The following CCDC121 variants were observed in gnomAD, a reference collection of about 807,000 sequenced individuals.
The protein encoded by CCDC121 is coiled-coil domain containing 121, also known as coiled-coil domain-containing protein 121.
For synonymous variants in CCDC121, 108 were observed against 120.0 expected (o/e 0.90, Z 0.65); for missense variants, 238 against 304.1 (o/e 0.78, Z 1.62).
In CCDC121 at chr2:27,627,101, T is replaced by C; in HGVS notation, c.699A>G (p.Glu233=). The C allele has an allele frequency of 1.9e-6, 3 of 1,614,186 alleles. No individual in the cohort carries two copies. Among genetic ancestry groups the C allele is most frequent in the Non-Finnish European group, 2.5e-6 (3 of 1,180,020 alleles). The change falls in exon 2 of 2, where the codon GAA becomes GAG. Residue 233 remains glutamate (E), a synonymous_variant. Coordinates refer to ENST00000324364, the MANE Select transcript of CCDC121 (RefSeq NM_024584.5). ...LENRKQQLQQ[E]QWYLESLIQA... ...GGATTAAGGACTCCAGATACCACTGTTCCTGCTGCAGCTGCTGCTTCCTGT... is the reference window on the plus strand; with the variant it reads ...GGATTAAGGACTCCAGATACCACTGCTCCTGCTGCAGCTGCTGCTTCCTGT...
intron 1 of CCDC121, chr2:27,628,321 A>T (rs1673367822): frequency 7.2e-7 from 1 of 1,384,914 alleles, no homozygotes; most frequent in South Asian, 1.4e-5. Flanking sequence ...AGGCTCTTTC[A>T]TCATCTTTCC....
At chr2:27,628,201 G>C (rs1429766891) in intron 1 of CCDC121, 1 of 646,822 alleles carries the variant, frequency 1.5e-6, no homozygotes, top group African/African-American at 1.8e-5. Flanking sequence ...CCACTAGCAA[G>C]TGGCAGAGCC....
At position 27,627,680 on chromosome 2, in the gene CCDC121, CA is replaced by C. The variant is rs773707987; in HGVS notation, c.119del (p.Leu40ArgfsTer4). 3 of 1,613,430 alleles carry C rather than the reference CA, an allele frequency of 1.9e-6. No individual in the cohort carries two copies. The Admixed American group carries it at 5.0e-5, about 27-fold the overall frequency. On this transcript the variant is annotated frameshift_variant, in exon 2 of 2. Coordinates refer to ENST00000324364, the MANE Select transcript of CCDC121 (RefSeq NM_024584.5). LOFTEE classifies it low-confidence loss of function (END_TRUNC). ...LLVQAENRFFLEYLTNKTEEY... is the reference protein window; with the variant it reads ...LLVQAENRFFXEYLTNKTEEY... ...CTTCAGTTTTGTTAGTCAGGTATTCCAGAAAGAATCTGTTTTCAGCCTGGAC... is the reference window on the plus strand; with the variant it reads ...CTTCAGTTTTGTTAGTCAGGTATTCCGAAAGAATCTGTTTTCAGCCTGGAC...
chr2:27,628,029 G>A (rs1673350635), intron 1 of CCDC121, 112 bp from the exon 2 acceptor site: 1 of 774,912 alleles, frequency 1.3e-6, no homozygotes, highest in Admixed American at 2.7e-5. Flanking sequence ...GAATGTTCCA[G>A]ACATTATGCA....
intron 1 of CCDC121, chr2:27,628,281 C>G: frequency 1.1e-5 from 11 of 1,030,782 alleles, no homozygotes; most frequent in Non-Finnish European, 1.4e-5. Flanking sequence ...CAGAAACAGA[C>G]TGGGTGGTCA....
Position 27,627,435 on chromosome 2 carries a change from T to G in CCDC121, c.365A>C (p.Gln122Pro), listed in dbSNP as rs773721532. 2 of 1,614,094 alleles carry G rather than the reference T, an allele frequency of 1.2e-6. No homozygotes were observed. The highest frequency in any genetic ancestry group is 4.5e-5 in the East Asian group (2 of 44,902). Residue 122 changes from glutamine (Q) to proline (P), a missense_variant, in exon 2 of 2, where the codon CAG becomes CCG. Coordinates refer to ENST00000324364, the MANE Select transcript of CCDC121 (RefSeq NM_024584.5). The stretch of plus-strand genomic sequence containing the variant: ...TTTCTTTGTCTCCTCCTGTAATGTC[T>G]GTATTTCTTTCTCCTGCTTTTCCTT... ...ILKEKQEKEI[Q>P]TLQEETKKVQ...
chr2:27,628,852 C>T, intron 1 of CCDC121, 98 bp downstream of exon 1: 2 of 1,467,550 alleles, frequency 1.4e-6, no homozygotes, highest in African/African-American at 1.4e-5. Context: ...CTTCCTCTCG[C>T]TTGCTCAGCG....
rs1673272336 is a variant in CCDC121, at chr2:27,626,067, T to C, written c.*896A>G. ...TATGGCACACATTAATTACAAAGGA[T>C]ACTTCATGTACTAGAAAGTGCACCT... On this transcript the variant is annotated 3_prime_UTR_variant, in exon 2 of 2. Coordinates refer to ENST00000324364, the MANE Select transcript of CCDC121 (RefSeq NM_024584.5). 6.6e-6 allele frequency: 1 copy of C among 152,262 alleles called. No individual in the cohort carries two copies. Among genetic ancestry groups the C allele is most frequent in the Non-Finnish European group, 1.5e-5 (1 of 68,012 alleles). The allele number at this position is 152,262 out of a possible 1,614,324, so 9.4% of individuals were successfully genotyped here. A position where few individuals can be genotyped will look rare whatever the true frequency, so the allele number is the denominator to read the frequency against.
At chr2:27,628,667 G>C in intron 1 of CCDC121, 1 of 1,551,586 alleles carries the variant, frequency 6.4e-7, no homozygotes, top group Non-Finnish European at 8.7e-7. Context: ...CGAGCAGCCG[G>C]TCCTCCAGTG....
rs1673263464 is a variant in CCDC121 at position 27,625,736 on chromosome 2, T to G, written c.*1227A>C. On this transcript the variant is annotated 3_prime_UTR_variant, in exon 2 of 2. Transcript: ENST00000324364. ...TTAAAGCTACAAGGTAAAGGCACAT[T>G]GAAGGAGAATGCTTTTTAAATCCAA... 1 of 152,328 alleles carries G rather than the reference T, an allele frequency of 6.6e-6. No individual in the cohort carries two copies. Among genetic ancestry groups the G allele is most frequent in the Non-Finnish European group, 1.5e-5 (1 of 68,016 alleles). 9.4% of individuals were successfully genotyped at this position (152,328 alleles called of 1,614,324 possible).
Position 27,627,093 on chromosome 2 carries a change from T to A in CCDC121, c.707A>T (p.Tyr236Phe), listed in dbSNP as rs1257571255. The change falls in exon 2 of 2, where the codon TAT (tyrosine) becomes TTT (phenylalanine). Residue 236 changes from tyrosine (Y) to phenylalanine (F), a missense_variant. Physicochemically the swap from Tyr to Phe is conservative, Grantham distance 22. Transcript: ENST00000324364. ...CCTCGCCTGGATTAAGGACTCCAGA[T>A]ACCACTGTTCCTGCTGCAGCTGCTG... ...RKQQLQQEQW[Y>F]LESLIQARQR... The A allele has an allele frequency of 6.8e-6, 11 of 1,614,194 alleles. No individual in the cohort carries two copies. The highest frequency in any genetic ancestry group is 9.3e-6 in the Non-Finnish European group (11 of 1,180,026).
chr2:27,628,769 C>A, intron 1 of CCDC121, 181 bp downstream of exon 1: 1 of 1,534,476 alleles, frequency 6.5e-7, no homozygotes, highest in Non-Finnish European at 8.8e-7. Flanking sequence ...CCCATCTCTT[C>A]TGGCCTTCCT....
rs1673310028 is a variant in CCDC121 at position 27,627,230 on chromosome 2, T to G, written c.570A>C (p.Glu190Asp). 1 of 1,613,912 alleles carries G rather than the reference T, an allele frequency of 6.2e-7. No individual in the cohort carries two copies. Among genetic ancestry groups the G allele is most frequent in the African/African-American group, 1.3e-5 (1 of 74,932 alleles). Residue 190 changes from glutamate to aspartate, a missense_variant, in exon 2 of 2, where the codon GAA (glutamate) becomes GAC (aspartate). Physicochemically the swap from Glu to Asp is conservative, Grantham distance 45 (BLOSUM62 2). Coordinates refer to ENST00000324364, the MANE Select transcript of CCDC121 (RefSeq NM_024584.5). Reference sequence around the variant, plus strand: ...TCTCTCTGTTGATGCCACAGGAGTATTCAAAAATAAACCGCTTTGCTGCCA... The same window carrying G: ...TCTCTCTGTTGATGCCACAGGAGTAGTCAAAAATAAACCGCTTTGCTGCCA... ...LKLAAKRFIF[E>D]YSCGINRENQ...
rs1394896015 is a variant in CCDC121 at position 27,628,989 on chromosome 2, C to A, written c.-158G>T. On this transcript the variant is annotated 5_prime_UTR_variant, in exon 1 of 2. Coordinates refer to ENST00000324364, the MANE Select transcript of CCDC121 (RefSeq NM_024584.5). ...CGCTGTGGTGGTTTTCGTTCGCAGC[C>A]CAGAACATTGCGGAAGTTTCTCTAC... The A allele has an allele frequency of 1.2e-6, 2 of 1,605,796 alleles. No individual in the cohort carries two copies. Among genetic ancestry groups the A allele is most frequent in the Admixed American group, 1.7e-5 (1 of 58,832 alleles).
Position 27,627,860 on chromosome 2 carries a change from A to C in CCDC121, c.-61T>G. ...CCTTTGTTAGCTTCTCTGGCTTGAC[A>C]AAATTATTTATTAGACTATGATACG... On this transcript the variant is annotated 5_prime_UTR_variant, in exon 2 of 2. Transcript: ENST00000324364. 1.2e-6 allele frequency: 2 copies of C among 1,614,140 alleles called. No homozygotes were observed. The highest frequency in any genetic ancestry group is 1.7e-6 in the Non-Finnish European group (2 of 1,180,034).
rs1312604861 is a variant in CCDC121 at position 27,627,996 on chromosome 2, C to T, written c.-118-79G>A. ...AGTGCACAACTGTCCTTCATTCATA[C>T]AAGAGAATATTTCTGAGCACCAGAA... On this transcript the variant is annotated intron_variant, in intron 1 of 1. Transcript: ENST00000324364. The T allele has an allele frequency of 7.2e-6, 7 of 965,682 alleles. No individual in the cohort carries two copies. In the South Asian group the frequency reaches 9.1e-5, roughly 13 times the overall value. 59.8% of individuals were successfully genotyped at this position (965,682 alleles called of 1,614,324 possible).
chr2:27,628,280 A>G, intron 1 of CCDC121: 1 of 1,023,204 alleles, frequency 9.8e-7, no homozygotes, highest in Non-Finnish European at 1.4e-6. Flanking sequence ...ACAGAAACAG[A>G]CTGGGTGGTC....
chr2:27,628,952 G>C lies in CCDC121; in HGVS notation c.-121C>G, dbSNP rs1441671657. 6.4e-7 allele frequency: 1 copy of C among 1,556,790 alleles called. No individual in the cohort carries two copies. The highest frequency in any genetic ancestry group is 1.2e-5 in the South Asian group (1 of 82,752). On this transcript the variant is annotated splice_region_variant and 5_prime_UTR_variant, in exon 1 of 2. Transcript: ENST00000324364. ...CTGGCAACCGCCGCGCCCCTCACCC[G>C]CTCCTTTCTGACGCTGTGGTGGTTT...
At position 27,626,268 on chromosome 2, in the gene CCDC121, C is replaced by A. The variant is rs147344594; in HGVS notation, c.*695G>T. The A allele has an allele frequency of 1.3e-5, 2 of 152,326 alleles. No homozygotes were observed. Among genetic ancestry groups the A allele is most frequent in the Non-Finnish European group, 2.9e-5 (2 of 68,038 alleles). 9.4% of individuals were successfully genotyped at this position (152,326 alleles called of 1,614,324 possible). On this transcript the variant is annotated 3_prime_UTR_variant, in exon 2 of 2. Coordinates refer to ENST00000324364, the MANE Select transcript of CCDC121 (RefSeq NM_024584.5). Reference sequence around the variant, plus strand: ...TGAAATAAGTGGAGGCATTCAGTCACCTCAATGCTACAGGTGTTTCTTCAA... The same window carrying A: ...TGAAATAAGTGGAGGCATTCAGTCAACTCAATGCTACAGGTGTTTCTTCAA...
Sources: gnomAD v4.1 joint callset for allele counts on GRCh38, gnomAD v4.1.1 for gene constraint, MANE v1.5 for transcripts, NCBI Gene and HGNC (gene_info 2026-07-23, HGNC 2026-07-21) for gene names.